The following TDRD1 variants were observed in gnomAD, a reference collection of about 807,000 sequenced individuals.
The protein encoded by TDRD1 is tudor domain-containing protein 1.
In TDRD1, 37 loss-of-function variants were observed where a neutral mutation model predicts 140.6. That is an observed-to-expected ratio of 0.26 (90% CI 0.20 to 0.35). The LOEUF (loss-of-function observed/expected upper bound fraction) is 0.35. TDRD1 is among the 10% of genes least tolerant of loss of function. The pLI, the probability that TDRD1 is intolerant of heterozygous loss-of-function variation, is 1.00. For synonymous variants in TDRD1, 506 were observed against 475.7 expected (o/e 1.06, Z -0.83); for missense variants, 1,243 against 1,393.0 (o/e 0.89, Z 1.71).
intron 7 of TDRD1, 59 bp from the exon 8 acceptor site, chr10:114,203,325 TAAGA>T (rs1215341818): frequency 6.5e-7 from 1 of 1,540,736 alleles, no homozygotes; most frequent in Non-Finnish European, 8.7e-7. Flanking sequence ...TACAAAGCTT[TAAGA>T]AATTTACATT....
At chr10:114,182,760 A>G (rs2033184820) in intron 1 of TDRD1, among the ~76,000 whole-genome samples, 1 of 149,910 alleles carries the variant, frequency 6.7e-6, no homozygotes, top group Admixed American at 6.7e-5. Context: ...ATCTCAGCTC[A>G]CTGCAAGCTC....
At chr10:114,230,402 A>C (rs2036690746) in intron 25 of TDRD1, among the ~76,000 whole-genome samples, 1 of 152,226 alleles carries the variant, frequency 6.6e-6, no homozygotes. Context: ...GTGTTTGGGT[A>C]GTACGTATTT....
intron 25 of TDRD1, among the ~76,000 whole-genome samples, chr10:114,231,035 C>G (rs1013059286): frequency 1.3e-5 from 2 of 152,094 alleles, no homozygotes; most frequent in African/African-American, 4.8e-5. Flanking sequence ...CCACTGCACT[C>G]CAGCTTGGGC....
chr10:114,215,233 G>C (rs2035741212), intron 16 of TDRD1, among the ~76,000 whole-genome samples: 2 of 152,070 alleles, frequency 1.3e-5, no homozygotes, highest in Non-Finnish European at 2.9e-5. Context: ...TCCATTGTAT[G>C]TTACATGTAT....
exon 26 of TDRD1, chr10:114,231,724 C>G (rs559645989): frequency 2.0e-6 from 1 of 509,934 alleles, no homozygotes; most frequent in South Asian, 3.4e-5. Context: ...AAATTCATAC[C>G]AAATCAATGA....
chr10:114,227,050 C>G (rs200154833), intron 22 of TDRD1, 22 bp from the exon 23 acceptor site: 1 of 1,248,646 alleles, frequency 8.0e-7, no homozygotes, highest in Non-Finnish European at 1.1e-6. Context: ...GACTAAAAGA[C>G]TATAATATCT....
At chr10:114,226,593 A>C (rs920430585) in intron 22 of TDRD1, among the ~76,000 whole-genome samples, 13 of 152,204 alleles carry the variant, frequency 8.5e-5, no homozygotes, top group Non-Finnish European at 2.9e-5. Flanking sequence ...TAGGGACTAA[A>C]GGCATTCACA....
chr10:114,220,795 A>C (rs775168112), exon 19 of TDRD1: 97 of 1,611,958 alleles, frequency 6.0e-5, no homozygotes, highest in Non-Finnish European at 7.8e-5. Flanking sequence ...ACCAAATGAC[A>C]GACTTGTTAA....
intron 14 of TDRD1, among the ~76,000 whole-genome samples, chr10:114,212,586 A>G (rs895134261): frequency 5.9e-5 from 9 of 152,218 alleles, no homozygotes; most frequent in African/African-American, 1.9e-4. Flanking sequence ...TAGTGAGGCT[A>G]AACATTGTTT....
chr10:114,225,891 T>C (rs1001585746), intron 21 of TDRD1, among the ~76,000 whole-genome samples, 158 bp from the exon 22 acceptor site: 1 of 152,030 alleles, frequency 6.6e-6, no homozygotes, highest in African/African-American at 2.4e-5. Context: ...ACATTTTTCA[T>C]AGGAATGTAG....
At chr10:114,216,550 C>A (rs939453362) in intron 16 of TDRD1, among the ~76,000 whole-genome samples, 2 of 152,072 alleles carry the variant, frequency 1.3e-5, no homozygotes, top group African/African-American at 2.4e-5. Context: ...ATACACACTA[C>A]TAAGTGTGGA....
At chr10:114,215,696 A>G (rs970605256) in intron 16 of TDRD1, among the ~76,000 whole-genome samples, 1 of 152,186 alleles carries the variant, frequency 6.6e-6, no homozygotes, top group African/African-American at 2.4e-5. Context: ...TCTGGTTGGT[A>G]GGCCACCATT....
exon 12 of TDRD1, chr10:114,210,648 C>A (rs2035423225): frequency 4.3e-6 from 7 of 1,612,238 alleles, no homozygotes; most frequent in East Asian, 4.5e-5. Context: ...GTGACCTAAT[C>A]CCAAAAGTGT....
At chr10:114,191,630 G>A (rs1258726162) in intron 3 of TDRD1, among the ~76,000 whole-genome samples, 2 of 152,118 alleles carry the variant, frequency 1.3e-5, no homozygotes, top group African/African-American at 4.8e-5. Context: ...CCTATTGAAG[G>A]ACACCTGGGT....
chr10:114,198,657 T>C (rs775507628), intron 3 of TDRD1, among the ~76,000 whole-genome samples: 3 of 152,184 alleles, frequency 2.0e-5, no homozygotes, highest in Non-Finnish European at 4.4e-5. Flanking sequence ...TTTTTTCTTT[T>C]AAATGATGAG....
At chr10:114,204,346 C>G (rs2034964602) in intron 9 of TDRD1, 130 bp downstream of exon 9, 2 of 1,004,014 alleles carry the variant, frequency 2.0e-6, no homozygotes, top group Non-Finnish European at 1.4e-6. Flanking sequence ...AATAAACACT[C>G]ATGGGCTATC....
chr10:114,211,946 A>G, exon 14 of TDRD1: 1 of 1,612,354 alleles, frequency 6.2e-7, no homozygotes, highest in Non-Finnish European at 8.5e-7. Flanking sequence ...AGATTATGGA[A>G]ACTTTGAAAT....
chr10:114,222,538 A>T, intron 20 of TDRD1, 49 bp from the exon 21 acceptor site: 1 of 1,095,948 alleles, frequency 9.1e-7, no homozygotes, highest in Non-Finnish European at 1.4e-6. Context: ...TAGTGTTAAT[A>T]GTAGCACTGG....
intron 11 of TDRD1, among the ~76,000 whole-genome samples, chr10:114,209,318 A>G (rs2035333715): frequency 6.6e-6 from 1 of 152,202 alleles, no homozygotes; most frequent in Admixed American, 6.5e-5. Flanking sequence ...TGTACACGTG[A>G]AGAAGCAGAA....
Sources: gnomAD v4.1 joint callset for allele counts (sites outside exome capture counted in the v4.1 genomes callset) on GRCh38, gnomAD v4.1.1 for gene constraint, MANE v1.5 for transcripts, NCBI Gene and HGNC (gene_info 2026-07-23, HGNC 2026-07-21) for gene names.